Variants in TUBGCP4 observed in about 807,000 individuals in gnomAD.
The protein encoded by TUBGCP4 is gamma-tubulin complex component 4.
In TUBGCP4, 54 loss-of-function variants were observed where a neutral mutation model predicts 91.6. That is an observed-to-expected ratio of 0.59 (90% confidence interval 0.47 to 0.74). The LOEUF (loss-of-function observed/expected upper bound fraction) is 0.74. Ranked by LOEUF, TUBGCP4 falls within the 30% of genes least tolerant of loss-of-function variation. The probability of loss-of-function intolerance (pLI) is 0.00; values close to 1 mark genes in which losing one functional copy is unlikely to be tolerated. For missense variants in TUBGCP4, 593 were observed against 800.9 expected (o/e 0.74, Z 3.13); for synonymous variants, 297 against 302.8 (o/e 0.98, Z 0.20).
intron 9 of TUBGCP4, among the ~76,000 whole-genome samples, chr15:43,392,553 C>T (rs1486937396): frequency 6.6e-6 from 1 of 152,126 alleles, no homozygotes; most frequent in East Asian, 1.9e-4. Flanking sequence ...GGCTGGAGTG[C>T]AGTGGCGTGA....
chr15:43,406,349 C>T lies in TUBGCP4; in HGVS notation c.*1135C>T. On this transcript the variant is annotated 3_prime_UTR_variant, in exon 18 of 18. Transcript: ENST00000564079. ...TTCATCACTACATATTCTACACACA[C>T]TGGGAAGCTCTGACAACTTATTCCC... 1 of 311,020 alleles carries T rather than the reference C, an allele frequency of 3.2e-6. No individual in the cohort carries two copies. Among genetic ancestry groups the T allele is most frequent in the Non-Finnish European group, 6.4e-6 (1 of 156,918 alleles). 19.3% of individuals were successfully genotyped at this position (311,020 alleles called of 1,614,324 possible). A position where few individuals can be genotyped will look rare whatever the true frequency, so the allele number is the denominator to read the frequency against.
At position 43,409,330 on chromosome 15, in the gene TUBGCP4, A is replaced by G. The variant is rs1418004051; in HGVS notation, c.*4116A>G. 6.8e-6 allele frequency: 4 copies of G among 586,828 alleles called. No homozygotes were observed. Among genetic ancestry groups the G allele is most frequent in the Non-Finnish European group, 1.2e-5 (4 of 330,350 alleles). 36.4% of individuals were successfully genotyped at this position (586,828 alleles called of 1,614,324 possible). Reference sequence around the variant, plus strand: ...TGAGGACCTAAATCCTCAACGGACAACCAAAACCTATGAACTCAGCCTTTC... The same window carrying G: ...TGAGGACCTAAATCCTCAACGGACAGCCAAAACCTATGAACTCAGCCTTTC... On this transcript the variant is annotated 3_prime_UTR_variant, in exon 18 of 18. Transcript: ENST00000564079.
rs2044266298 is a variant in TUBGCP4, at chr15:43,380,139, C to A, written c.497C>A (p.Pro166His). The change falls in exon 6 of 18, where the codon CCT becomes CAT. Residue 166 changes from proline to histidine, a missense_variant. By Grantham distance (77) the Pro-to-His change is moderately conservative (BLOSUM62 -2). Coordinates refer to ENST00000564079, the MANE Select transcript of TUBGCP4 (RefSeq NM_014444.5). ...TVYKHSCGGLPPVRSALEKIL... is the reference protein window; with the variant it reads ...TVYKHSCGGLHPVRSALEKIL... ...TACAAACACAGCTGTGGGGGGTTGC[C>A]TCCTGTTCGAAGTGCACTGGAAAAG... The A allele has an allele frequency of 1.9e-6, 3 of 1,614,038 alleles. No homozygotes were observed. Among genetic ancestry groups the A allele is most frequent in the Non-Finnish European group, 2.5e-6 (3 of 1,179,928 alleles).
intron 15 of TUBGCP4, chr15:43,402,062 G>A: frequency 2.1e-6 from 1 of 466,042 alleles, no homozygotes; most frequent in South Asian, 2.5e-5. Flanking sequence ...CACAAGGTCA[G>A]GAGTTCAAGA....
chr15:43,398,748 C>T lies in TUBGCP4; in HGVS notation c.1418+569C>T, dbSNP rs540656746. ...TTACTTGGGAAAGTCCTCCAGCCTACATGTCTGCTATGGATGTTAGCCACT... is the reference window on the plus strand; with the variant it reads ...TTACTTGGGAAAGTCCTCCAGCCTATATGTCTGCTATGGATGTTAGCCACT... On this transcript the variant is annotated intron_variant, in intron 13 of 17. Coordinates refer to ENST00000564079, the MANE Select transcript of TUBGCP4 (RefSeq NM_014444.5). Among the ~76,000 whole-genome samples the T allele has an allele frequency of 2.0e-5, 3 of 152,316 alleles. No homozygotes were observed. The South Asian group carries it at 6.2e-4, about 32-fold the overall frequency.
At chr15:43,381,693 CTG>C (rs1233656036) in intron 6 of TUBGCP4, among the ~76,000 whole-genome samples, 1 of 152,132 alleles carries the variant, frequency 6.6e-6, no homozygotes, top group Non-Finnish European at 1.5e-5. Context: ...GATCTCGCCA[CTG>C]TAATCCAGCC....
intron 5 of TUBGCP4, among the ~76,000 whole-genome samples, chr15:43,378,916 A>G (rs1002083531): frequency 2.0e-5 from 3 of 152,218 alleles, no homozygotes; most frequent in Non-Finnish European, 2.9e-5. Flanking sequence ...GCTCTTAACC[A>G]CTAGATTAAA....
chr15:43,403,122 G>GTA, intron 15 of TUBGCP4: 1 of 152,196 alleles, frequency 6.6e-6, no homozygotes, highest in African/African-American at 2.4e-5. Flanking sequence ...ATACAAAGAG[G>GTA]TATAATTCAT....
chr15:43,377,150 T>A, intron 4 of TUBGCP4, 83 bp downstream of exon 4: 2 of 1,217,350 alleles, frequency 1.6e-6, no homozygotes, highest in African/African-American at 3.0e-5. Flanking sequence ...TTTTGAGAAC[T>A]TTTTTTCTTC....
At chr15:43,399,114 A>G (rs1468677293) in intron 13 of TUBGCP4, 1 of 1,278,422 alleles carries the variant, frequency 7.8e-7, no homozygotes, top group African/African-American at 1.5e-5. Context: ...TCCTTTAGAA[A>G]TAGACAATTT....
rs943862649 is a variant in TUBGCP4, at chr15:43,406,883, G to A, written c.*1669G>A. The A allele has an allele frequency of 3.6e-6, 1 of 280,616 alleles. No individual in the cohort carries two copies. The highest frequency in any genetic ancestry group is 7.0e-6 in the Non-Finnish European group (1 of 142,990). The allele number at this position is 280,616 out of a possible 1,614,324, so 17.4% of individuals were successfully genotyped here. ...TAAGAGTTGGGGAGTACCCACAGGT[G>A]AGCTGTGATCTCAGCTCAGAGAGAG... On this transcript the variant is annotated 3_prime_UTR_variant, in exon 18 of 18. Coordinates refer to ENST00000564079, the MANE Select transcript of TUBGCP4 (RefSeq NM_014444.5).
rs2044110693 is a variant in TUBGCP4 at position 43,371,133 on chromosome 15, T to A, written c.-222T>A. The A allele has an allele frequency of 1.7e-6, 1 of 601,382 alleles. No individual in the cohort carries two copies. The highest frequency in any genetic ancestry group is 3.0e-6 in the Non-Finnish European group (1 of 335,014). 37.3% of individuals were successfully genotyped at this position (601,382 alleles called of 1,614,324 possible). A position where few individuals can be genotyped will look rare whatever the true frequency, so the allele number is the denominator to read the frequency against. On this transcript the variant is annotated 5_prime_UTR_variant, in exon 1 of 18. Coordinates refer to ENST00000564079, the MANE Select transcript of TUBGCP4 (RefSeq NM_014444.5). ...GCAGAGCCCGGGCGGGAGTAGCTGG[T>A]GGACCCCGTTGAGCTGCCGAACTTC...
intron 16 of TUBGCP4, chr15:43,404,100 A>G (rs968338327): frequency 5.8e-6 from 3 of 512,870 alleles, no homozygotes; most frequent in Admixed American, 3.3e-5. Context: ...ACTAACCCCC[A>G]TCTCACTGAG....
In TUBGCP4 at chr15:43,377,856, C is replaced by A. The variant is rs771716687; in HGVS notation, c.394C>A (p.Leu132Ile). ...VNYFLDQFQL[L>I]FPSVMVVVEQ... is the part of the protein sequence containing the mutation. The stretch of plus-strand genomic sequence containing the variant: ...ATTCTCTACTTTGCAGTTCCAGCTT[C>A]TTTTTCCCTCTGTGATGGTTGTAGT... Residue 132 changes from leucine (L) to isoleucine (I), a missense_variant, in exon 5 of 18, where the codon CTT (leucine) becomes ATT (isoleucine). Leu to Ile is a conservative substitution (Grantham distance 5, BLOSUM62 2). Transcript: ENST00000564079. 3 of 1,605,484 alleles carry A rather than the reference C, an allele frequency of 1.9e-6. No homozygotes were observed. Among genetic ancestry groups the A allele is most frequent in the Non-Finnish European group, 2.5e-6 (3 of 1,177,588 alleles).
intron 14 of TUBGCP4, among the ~76,000 whole-genome samples, chr15:43,401,452 A>G (rs2044677005): frequency 2.0e-5 from 2 of 97,990 alleles, no homozygotes; most frequent in Admixed American, 1.9e-4. Context: ...ACTCCGTCTC[A>G]AAAAAAAAAA....
intron 15 of TUBGCP4, 63 bp downstream of exon 15, chr15:43,401,913 T>C: frequency 1.3e-6 from 2 of 1,569,098 alleles, no homozygotes; most frequent in Non-Finnish European, 1.7e-6. Context: ...TTAGGCAGTT[T>C]GAGTTGACAG....
In TUBGCP4 at chr15:43,408,442, C is replaced by G; in HGVS notation, c.*3228C>G. 3.6e-6 allele frequency: 1 copy of G among 274,934 alleles called. No individual in the cohort carries two copies. The highest frequency in any genetic ancestry group is 8.8e-5 in the East Asian group (1 of 11,370). 17.0% of individuals were successfully genotyped at this position (274,934 alleles called of 1,614,324 possible). On this transcript the variant is annotated 3_prime_UTR_variant, in exon 18 of 18. Transcript: ENST00000564079. ...GCTGCAGTAAGTCGTCACTGCGCCACTGTACTCCAGCCTAGGTGACAGAGC... is the reference window on the plus strand; with the variant it reads ...GCTGCAGTAAGTCGTCACTGCGCCAGTGTACTCCAGCCTAGGTGACAGAGC...
chr15:43,406,481 A>G lies in TUBGCP4; in HGVS notation c.*1267A>G, dbSNP rs1837959. On this transcript the variant is annotated 3_prime_UTR_variant, in exon 18 of 18. Transcript: ENST00000564079. ...TGTACAGTTTTACTGAAACACAGCC[A>G]TGCCCATTTGTTTACTCATTGTCTA... 0.23 allele frequency: 91,828 copies of G among 405,626 alleles called. 16,104 individuals are homozygous for G. The highest frequency in any genetic ancestry group is 0.62 in the African/African-American group (29,928 of 48,326). The allele number at this position is 405,626 out of a possible 1,614,324, so 25.1% of individuals were successfully genotyped here.
At chr15:43,401,556 G>A (rs892049909) in intron 14 of TUBGCP4, among the ~76,000 whole-genome samples, 160 bp from the exon 15 acceptor site, 13 of 152,146 alleles carry the variant, frequency 8.5e-5, no homozygotes, top group Admixed American at 8.5e-4. Context: ...TTCCTACAAG[G>A]CTGGGCAATA....
Sources: gnomAD v4.1 joint callset for allele counts (sites outside exome capture counted in the v4.1 genomes callset) on GRCh38, gnomAD v4.1.1 for gene constraint, MANE v1.5 for transcripts, NCBI Gene and HGNC (gene_info 2026-07-23, HGNC 2026-07-21) for gene names.